Variants in CHST8 observed in about 807,000 individuals in gnomAD.
CHST8 encodes GALNAC-4-ST1.
A neutral mutation model predicts 15.0 loss-of-function variants in CHST8; 10 were observed. The observed-to-expected ratio is 0.67, with a 90% CI of 0.41 to 1.13. The LOEUF (loss-of-function observed/expected upper bound fraction) is 1.13, where lower values mean the gene tolerates loss of function less well. CHST8 is among the 50% of genes most tolerant of loss of function. CHST8 has a pLI of 0.00. For synonymous variants in CHST8, 259 were observed against 256.6 expected (o/e 1.01, Z -0.09); for missense variants, 634 against 608.2 (o/e 1.04, Z -0.45).
intron 3 of CHST8, among the ~76,000 whole-genome samples, chr19:33,695,148 T>C (rs1401742821): frequency 1.3e-5 from 2 of 152,098 alleles, no homozygotes; most frequent in Admixed American, 6.5e-5. Flanking sequence ...GATCTTACCA[T>C]GTTGCCCAGA....
chr19:33,757,285 G>T (rs992533093), intron 3 of CHST8, among the ~76,000 whole-genome samples: 11 of 151,034 alleles, frequency 7.3e-5, no homozygotes, highest in Admixed American at 2.7e-4. Flanking sequence ...GGAGGCTGAG[G>T]CATGAGAATC....
chr19:33,664,204 T>C (rs1373837265), intron 1 of CHST8, among the ~76,000 whole-genome samples: 1 of 152,202 alleles, frequency 6.6e-6, no homozygotes, highest in Non-Finnish European at 1.5e-5. Context: ...ACTTGTGTAA[T>C]TTAAAGAGAT....
At chr19:33,744,071 A>T (rs867703475) in intron 3 of CHST8, among the ~76,000 whole-genome samples, 2 of 152,132 alleles carry the variant, frequency 1.3e-5, no homozygotes, top group Non-Finnish European at 2.9e-5. Flanking sequence ...GATTACAGGC[A>T]TGAGCCCCCG....
intron 3 of CHST8, among the ~76,000 whole-genome samples, chr19:33,704,958 T>C (rs1973418838): frequency 6.6e-6 from 1 of 151,970 alleles, no homozygotes; most frequent in African/African-American, 2.4e-5. Flanking sequence ...TTATGTGGAT[T>C]CTCCTGATTT....
chr19:33,688,576 A>T (rs930278337), intron 2 of CHST8, among the ~76,000 whole-genome samples: 1 of 152,172 alleles, frequency 6.6e-6, no homozygotes, highest in East Asian at 1.9e-4. Flanking sequence ...ACATACGCCA[A>T]CCCATCTGTC....
chr19:33,719,756 A>C (rs573528822), intron 3 of CHST8, among the ~76,000 whole-genome samples: 16 of 152,152 alleles, frequency 1.1e-4, no homozygotes, highest in African/African-American at 3.4e-4. Flanking sequence ...CAAAAAAAAA[A>C]AAAAATCACA....
intron 2 of CHST8, among the ~76,000 whole-genome samples, chr19:33,679,331 C>T (rs1972854623): frequency 6.6e-6 from 1 of 152,260 alleles, no homozygotes; most frequent in Admixed American, 6.5e-5. Flanking sequence ...CCGCATCCTA[C>T]ATCCCCAGGT....
intron 3 of CHST8, among the ~76,000 whole-genome samples, chr19:33,690,205 A>G (rs1376155214): frequency 1.3e-5 from 2 of 152,134 alleles, no homozygotes; most frequent in African/African-American, 4.8e-5. Context: ...CTCACAGTCC[A>G]CATGCTCTAG....
intron 1 of CHST8, among the ~76,000 whole-genome samples, chr19:33,634,862 C>T (rs905858730): frequency 2.0e-5 from 3 of 152,088 alleles, no homozygotes; most frequent in Non-Finnish European, 4.4e-5. Flanking sequence ...ACTGGGCTGC[C>T]GTGGTGAGGG....
intron 1 of CHST8, among the ~76,000 whole-genome samples, chr19:33,626,080 G>A (rs8111601): frequency 0.46 from 69,441 of 151,848 alleles, 16,310 homozygotes; most frequent in Middle Eastern, 0.57. Flanking sequence ...CAGACAACCC[G>A]GGGACAGAGC....
At chr19:33,689,740 T>C (rs1973061708) in intron 3 of CHST8, among the ~76,000 whole-genome samples, 1 of 152,180 alleles carries the variant, frequency 6.6e-6, no homozygotes, top group Non-Finnish European at 1.5e-5. Context: ...CATCAGAAAG[T>C]AGACAACTTC....
intron 3 of CHST8, among the ~76,000 whole-genome samples, chr19:33,713,037 G>A (rs968709822): frequency 3.3e-5 from 5 of 152,100 alleles, no homozygotes; most frequent in African/African-American, 1.2e-4. Flanking sequence ...GGGCATCGTT[G>A]ATGAGGTGCT....
chr19:33,684,214 T>C (rs1457622569), intron 2 of CHST8, among the ~76,000 whole-genome samples: 1 of 152,210 alleles, frequency 6.6e-6, no homozygotes, highest in Non-Finnish European at 1.5e-5. Flanking sequence ...ATTCACCCGG[T>C]AATCTCCACC....
intron 3 of CHST8, among the ~76,000 whole-genome samples, chr19:33,764,847 C>T (rs952407339): frequency 6.6e-6 from 1 of 151,986 alleles, no homozygotes; most frequent in African/African-American, 2.4e-5. Flanking sequence ...ACCCCCTTCC[C>T]ACCCTTTCCC....
intron 3 of CHST8, among the ~76,000 whole-genome samples, chr19:33,763,899 G>C (rs991453738): frequency 4.6e-5 from 7 of 152,314 alleles, no homozygotes; most frequent in East Asian, 3.9e-4. Flanking sequence ...GGTGTGGCCC[G>C]GTCCCAAAGC....
intron 1 of CHST8, among the ~76,000 whole-genome samples, chr19:33,666,166 G>T (rs1972657829): frequency 6.6e-6 from 1 of 152,246 alleles, no homozygotes; most frequent in African/African-American, 2.4e-5. Flanking sequence ...AGATGGAGCA[G>T]TCTTATCTGG....
At position 33,772,885 on chromosome 19, in the gene CHST8, G is replaced by A. The variant is rs755427038; in HGVS notation, c.1097G>A (p.Arg366Gln). 10 of 1,613,380 alleles carry A rather than the reference G, an allele frequency of 6.2e-6. No homozygotes were observed. The highest frequency in any genetic ancestry group is 2.2e-5 in the East Asian group (1 of 44,886). ...TTCCTGAGCCTCATCCGCGCGCCGCGGAACCTGACCTTCCCCCGGTTCAAG... is the reference window on the plus strand; with the variant it reads ...TTCCTGAGCCTCATCCGCGCGCCGCAGAACCTGACCTTCCCCCGGTTCAAG... ...NFFLSLIRAPRNLTFPRFKDR... is the reference protein window; with the variant it reads ...NFFLSLIRAPQNLTFPRFKDR... The change falls in exon 5 of 5, where the codon CGG becomes CAG. Residue 366 changes from arginine to glutamine, a missense_variant. Transcript: ENST00000650847.
chr19:33,674,880 G>A (rs12462896), intron 2 of CHST8, among the ~76,000 whole-genome samples: 5,227 of 152,358 alleles, frequency 0.034, 148 homozygotes, highest in South Asian at 0.1. Context: ...GCCAGGAGCT[G>A]GGTGTGTTCT....
chr19:33,730,240 A>G (rs1349592609), intron 3 of CHST8, among the ~76,000 whole-genome samples: 3 of 152,220 alleles, frequency 2.0e-5, no homozygotes, highest in Admixed American at 6.5e-5. Flanking sequence ...TCAAAATGAC[A>G]TGCTCTGCCT....
Sources: allele counts gnomAD v4.1 joint callset (sites outside exome capture counted in the v4.1 genomes callset), GRCh38; gene constraint gnomAD v4.1.1; transcripts MANE v1.5; gene names NCBI Gene and HGNC (gene_info 2026-07-23, HGNC 2026-07-21).